Variants in FLNC observed in about 807,000 individuals in gnomAD.
FLNC encodes the protein filamin-C.
A neutral mutation model predicts 254.3 loss-of-function variants in FLNC; 91 were observed. The ratio of observed to expected loss-of-function variants is 0.36; its 90% CI spans 0.30 to 0.43. FLNC has a LOEUF of 0.43. Among genes scored for constraint, FLNC ranks in the 20% least tolerant of loss-of-function variants. The pLI is 1.00. For missense variants in FLNC, 2,853 were observed against 3,802.6 expected (o/e 0.75, Z 6.57); for synonymous variants, 1,430 against 1,577.2 (o/e 0.91, Z 2.21).
rs901910589 is a variant in FLNC at position 128,842,831 on chromosome 7, G to A, written c.2427G>A (p.Val809=). ...VSIGIKCAPG[V]VGPAEADIDF... is the part of the protein sequence containing the mutation. ...TCGGCATCAAGTGCGCCCCAGGCGT[G>A]GTGGGCCCTGCAGAGGCTGACATTG... Residue 809 remains valine (V), a synonymous_variant, in exon 16 of 48, where the codon GTG becomes GTA. Coordinates refer to ENST00000325888, the MANE Select transcript of FLNC (RefSeq NM_001458.5). The surrounding 1 kb of genome is among the most constrained non-coding windows in gnomAD (Gnocchi z 5.4). 1 of 1,613,900 alleles carries A rather than the reference G, an allele frequency of 6.2e-7. No homozygotes were observed. The highest frequency in any genetic ancestry group is 2.2e-5 in the East Asian group (1 of 44,874).
intron 30 of FLNC, 38 bp from the exon 31 acceptor site, chr7:128,849,938 G>T (rs763087587): frequency 7.1e-7 from 1 of 1,413,838 alleles, no homozygotes; most frequent in Non-Finnish European, 9.8e-7. Context: ...GGCCTGTGAG[G>T]CTGCCACACC....
chr7:128,846,569 C>A, intron 23 of FLNC, 106 bp downstream of exon 23: 2 of 1,470,806 alleles, frequency 1.4e-6, no homozygotes, highest in South Asian at 1.1e-5. Context: ...CATCCTCTCT[C>A]AGGGGTGAGG....
At chr7:128,847,441 A>G (rs545183625) in intron 24 of FLNC, among the ~76,000 whole-genome samples, 1 of 152,296 alleles carries the variant, frequency 6.6e-6, no homozygotes, top group South Asian at 2.1e-4. Context: ...TTATTTTCAC[A>G]TTTTATTAAT....
chr7:128,849,130 C>A, intron 28 of FLNC, 51 bp from the exon 29 acceptor site: 1 of 1,563,910 alleles, frequency 6.4e-7, no homozygotes, highest in Non-Finnish European at 8.8e-7. Flanking sequence ...CCGCCCAATG[C>A]CCCAGCCCAC....
At position 128,837,711 on chromosome 7, in the gene FLNC, G is replaced by A. The variant is rs781212262; in HGVS notation, c.925G>A (p.Glu309Lys). Residue 309 changes from glutamate to lysine, a missense_variant, in exon 5 of 48, where the codon GAG becomes AAG. This residue lies in a region of FLNC where 1,573 missense variants were observed against 1,883.5 expected (regional missense o/e 0.84). Transcript: ENST00000325888. ...TVQTVDAGVG[E>K]VLVYIEDPEG... ...GCAGACGGTGGACGCGGGCGTGGGC[G>A]AGGTGCTGGTCTACATCGAGGACCC... The A allele has an allele frequency of 1.4e-5, 22 of 1,605,628 alleles. No homozygotes were observed. Among genetic ancestry groups the A allele is most frequent in the African/African-American group, 8.0e-5 (6 of 74,722 alleles).
Position 128,846,338 on chromosome 7 carries a change from T to C in FLNC, c.4002T>C (p.Ala1334=), listed in dbSNP as rs1215154012. The change falls in exon 23 of 48, where the codon GCT becomes GCC. Residue 1334 remains alanine, a synonymous_variant. Coordinates refer to ENST00000325888, the MANE Select transcript of FLNC (RefSeq NM_001458.5). ...HLVEVLYDEV[A]VPKSPFRVGV... is the part of the protein sequence containing the mutation. ...TGGAGGTCCTGTATGATGAGGTCGC[T>C]GTGCCCAAGAGCCCCTTCCGAGTGG... 1.2e-6 allele frequency: 2 copies of C among 1,613,636 alleles called. No homozygotes were observed. The highest frequency in any genetic ancestry group is 1.3e-5 in the African/African-American group (1 of 74,896).
At chr7:128,839,408 A>G (rs950921190) in intron 8 of FLNC, among the ~76,000 whole-genome samples, 1 of 152,110 alleles carries the variant, frequency 6.6e-6, no homozygotes, top group Non-Finnish European at 1.5e-5. Flanking sequence ...GCCATCGCCT[A>G]TGGTCATGGT....
intron 26 of FLNC, 67 bp from the exon 27 acceptor site, chr7:128,848,494 A>T: frequency 6.5e-7 from 1 of 1,546,728 alleles, no homozygotes; most frequent in African/African-American, 1.4e-5. Context: ...CTGGCTCAAG[A>T]TGAGATCACC....
intron 21 of FLNC, among the ~76,000 whole-genome samples, chr7:128,845,748 AG>A (rs1484970370): frequency 1.4e-5 from 2 of 144,084 alleles, no homozygotes; most frequent in Non-Finnish European, 3.0e-5. Flanking sequence ...TACATGGAGA[AG>A]GGAGTGAAGG....
Position 128,855,334 on chromosome 7 carries a change from G to T in FLNC, c.7251+20G>T, listed in dbSNP as rs758879860. On this transcript the variant is annotated intron_variant, in intron 43 of 47. Transcript: ENST00000325888. Reference sequence around the variant, plus strand: ...CTCCAGGTTTGTGCCCAGGGTGGGGGTGGAGGGTTTCTGCTATCTGAGAGA... The same window carrying T: ...CTCCAGGTTTGTGCCCAGGGTGGGGTTGGAGGGTTTCTGCTATCTGAGAGA... The T allele has an allele frequency of 4.7e-6, 7 of 1,505,292 alleles. No individual in the cohort carries two copies. The Admixed American group carries it at 8.3e-5, about 18-fold the overall frequency. 93.2% of individuals were successfully genotyped at this position (1,505,292 alleles called of 1,614,324 possible).
At position 128,844,066 on chromosome 7, in the gene FLNC, C is replaced by T; in HGVS notation, c.2992C>T (p.Gln998Ter). The T allele has an allele frequency of 6.2e-7, 1 of 1,614,046 alleles. No individual in the cohort carries two copies. Among genetic ancestry groups the T allele is most frequent in the Non-Finnish European group, 8.5e-7 (1 of 1,180,036 alleles). ...CACACGAGGGGCTGGCGGTCAGGGC[C>T]AACTGGATGTGCGGATGACTTCGCC... ...VNTRGAGGQG[Q>*]LDVRMTSPSR... Residue 998 changes from glutamine (Q) to a stop codon, truncating the protein, a stop_gained, in exon 20 of 48, where the codon CAA (glutamine) becomes TAA (stop). Coordinates refer to ENST00000325888, the MANE Select transcript of FLNC (RefSeq NM_001458.5). LOFTEE classifies it high-confidence loss of function.
In FLNC at chr7:128,830,688, G is replaced by A. The variant is rs753490528; in HGVS notation, c.51G>A (p.Glu17=). 4.3e-6 allele frequency: 7 copies of A among 1,612,856 alleles called. No homozygotes were observed. Among genetic ancestry groups the A allele is most frequent in the Non-Finnish European group, 1.7e-6 (2 of 1,179,966 alleles). The change falls in exon 1 of 48, where the codon GAG becomes GAA. Residue 17 remains glutamate (E), a synonymous_variant. Coordinates refer to ENST00000325888, the MANE Select transcript of FLNC (RefSeq NM_001458.5). ...ACGCCGGCCTCGGCCTGGGCGATGA[G>A]ACAGACGAGATGCCGTCCACGGAGA... ...YSDAGLGLGD[E]TDEMPSTEKD...
At chr7:128,851,086 C>T in intron 33 of FLNC, 143 bp downstream of exon 33, 2 of 1,523,014 alleles carry the variant, frequency 1.3e-6, no homozygotes, top group Non-Finnish European at 1.8e-6. Flanking sequence ...GGCTTATACC[C>T]TGGTGGGAAG....
In FLNC at chr7:128,851,275, T is replaced by A. The variant is rs777992233; in HGVS notation, c.5583T>A (p.His1861Gln). ...QFYVDAINSRHVSAYGPGLSH... is the reference protein window; with the variant it reads ...QFYVDAINSRQVSAYGPGLSH... Reference sequence around the variant, plus strand: ...ATGTGGATGCCATCAACAGCCGCCATGTCAGTGCCTATGGGCCAGGCCTGA... The same window carrying A: ...ATGTGGATGCCATCAACAGCCGCCAAGTCAGTGCCTATGGGCCAGGCCTGA... The change falls in exon 34 of 48, where the codon CAT (histidine) becomes CAA (glutamine). Residue 1861 changes from histidine (H) to glutamine (Q), a missense_variant. Coordinates refer to ENST00000325888, the MANE Select transcript of FLNC (RefSeq NM_001458.5). 6.2e-7 allele frequency: 1 copy of A among 1,614,110 alleles called. No individual in the cohort carries two copies. The highest frequency in any genetic ancestry group is 8.5e-7 in the Non-Finnish European group (1 of 1,180,022).
rs765476086 is a variant in FLNC, at chr7:128,846,150, C to T, written c.3951C>T (p.Thr1317=). ...NGDGTYRVQY[T]AYEEGVHLVE... is the part of the protein sequence containing the mutation. ...ACGGCACCTACCGAGTGCAGTACAC[C>T]GCCTACGAGGAGGGTGAGGGCCGGT... is the stretch of plus-strand genomic sequence containing the variant. Residue 1317 remains threonine, a synonymous_variant, in exon 22 of 48, where the codon ACC becomes ACT. Transcript: ENST00000325888. The T allele has an allele frequency of 6.0e-5, 97 of 1,613,532 alleles. No individual in the cohort carries two copies. Among genetic ancestry groups the T allele is most frequent in the Middle Eastern group, 1.6e-4 (1 of 6,082 alleles).
chr7:128,846,091 G>T lies in FLNC; in HGVS notation c.3892G>T (p.Ala1298Ser). 6.2e-7 allele frequency: 1 copy of T among 1,613,996 alleles called. No individual in the cohort carries two copies. The highest frequency in any genetic ancestry group is 8.5e-7 in the Non-Finnish European group (1 of 1,179,996). The change falls in exon 22 of 48, where the codon GCC (alanine) becomes TCC (serine). Residue 1298 changes from alanine to serine, a missense_variant. Physicochemically the swap from Ala to Ser is moderately conservative, Grantham distance 99. Transcript: ENST00000325888. ...VTARVLNPSG[A>S]KTDTYVTDNG... ...GGCTCGTGTGCTCAACCCCTCGGGG[G>T]CCAAGACAGACACCTATGTGACAGA... is the stretch of plus-strand genomic sequence containing the variant.
intron 37 of FLNC, 24 bp downstream of exon 37, chr7:128,853,055 C>T (rs779972483): frequency 6.2e-7 from 1 of 1,609,060 alleles, no homozygotes; most frequent in South Asian, 1.1e-5. Flanking sequence ...CAGAGAGCCC[C>T]CATTCCAGCG....
At chr7:128,853,693 C>T in intron 38 of FLNC, 22 bp from the exon 39 acceptor site, 2 of 1,613,964 alleles carry the variant, frequency 1.2e-6, no homozygotes, top group Non-Finnish European at 1.7e-6. Context: ...GGTTCCTGAC[C>T]CACCCTTTGT....
rs773444538 is a variant in FLNC, at chr7:128,841,510, T to G, written c.2064T>G (p.Ala688=). Residue 688 remains alanine, a synonymous_variant, in exon 13 of 48, where the codon GCT becomes GCG. Transcript: ENST00000325888. The surrounding 1 kb of genome is among the most constrained non-coding windows in gnomAD (Gnocchi z 4.3). ...CCGGCTGCATCGTGGACAAGCCCGC[T>G]GAGTTCACCATTGATGCTCGTGCAG... is the stretch of plus-strand genomic sequence containing the variant. ...EPTGCIVDKP[A]EFTIDARAAG... The G allele has an allele frequency of 9.9e-6, 16 of 1,614,080 alleles. No homozygotes were observed. In the African/African-American group the frequency reaches 2.0e-4, roughly 20 times the overall value.
Sources: gnomAD v4.1 joint callset for allele counts (sites outside exome capture counted in the v4.1 genomes callset) on GRCh38, gnomAD v4.1.1 for gene constraint, gnomAD v4.1.1 regional missense constraint, Gnocchi (gnomAD v3.1) non-coding constraint, MANE v1.5 for transcripts, NCBI Gene and HGNC (gene_info 2026-07-23, HGNC 2026-07-21) for gene names.